DNAH17: variants seen among roughly 807,000 people sequenced by gnomAD.
DNAH17 encodes axonemal beta dynein heavy chain 17.
In DNAH17, 376 loss-of-function variants were observed where a neutral mutation model predicts 485.6. The observed-to-expected ratio is 0.77, with a 90% CI of 0.71 to 0.84. The LOEUF (loss-of-function observed/expected upper bound fraction) is 0.84, where lower values mean the gene tolerates loss of function less well. Among genes scored for constraint, DNAH17 ranks in the 40% least tolerant of loss-of-function variants. The pLI is 0.00. For missense variants in DNAH17, 6,370 were observed against 5,839.3 expected (o/e 1.09, Z -2.96); for synonymous variants, 3,031 against 2,405.9 (o/e 1.26, Z -7.60).
intron 70 of DNAH17, 131 bp downstream of exon 70, chr17:78,445,427 G>T: frequency 7.7e-7 from 1 of 1,290,736 alleles, no homozygotes; most frequent in Non-Finnish European, 1.0e-6. Flanking sequence ...CTATGTGCGG[G>T]GCCTCCTTGC....
At position 78,453,864 on chromosome 17, in the gene DNAH17, GTT is replaced by G. The variant is rs144187120; in HGVS notation, c.10407-401_10407-400del. Among the ~76,000 whole-genome samples the G allele has an allele frequency of 7.3e-3, 1,107 of 151,292 alleles. 15 individuals carry two copies. The highest frequency in any genetic ancestry group is 0.025 in the African/African-American group (1,019 of 41,354). ...CACCACACCCAACTAGGTTTTTTTT[GTT>G]TGTTTGTTTTTTGTTTTTTGTTGGA... On this transcript the variant is annotated intron_variant, in intron 64 of 80. Transcript: ENST00000389840.
intron 31 of DNAH17, among the ~76,000 whole-genome samples, chr17:78,504,102 A>G (rs2090402561): frequency 1.3e-5 from 2 of 151,002 alleles, no homozygotes; most frequent in South Asian, 4.2e-4. Context: ...GTCTCACTCT[A>G]TTACCCAGAC....
At chr17:78,507,924 C>A in intron 27 of DNAH17, 119 bp from the exon 28 acceptor site, 3 of 948,718 alleles carry the variant, frequency 3.2e-6, no homozygotes, top group Non-Finnish European at 4.6e-6. Flanking sequence ...AAGGCTCAAA[C>A]CAACGTATTC....
rs2087256748 is a variant in DNAH17, at chr17:78,445,694, G to C, written c.11212-14C>G. 1 of 1,589,284 alleles carries C rather than the reference G, an allele frequency of 6.3e-7. No individual in the cohort carries two copies. The highest frequency in any genetic ancestry group is 1.3e-5 in the African/African-American group (1 of 74,514). ...CATGGACAGGACCTGGGGGAACATC[G>C]AGGTGTACACACTTAACGCAGCCAG... On this transcript the variant is annotated splice_polypyrimidine_tract_variant and intron_variant, in intron 69 of 80. Coordinates refer to ENST00000389840, the MANE Select transcript of DNAH17 (RefSeq NM_173628.4).
chr17:78,461,751 C>T (rs758556377), intron 57 of DNAH17, 43 bp from the exon 58 acceptor site: 9 of 1,571,752 alleles, frequency 5.7e-6, no homozygotes, highest in Admixed American at 1.8e-5. Context: ...TGGGCCGCAG[C>T]CGACACACGC....
chr17:78,471,886 T>G (rs2088768698), intron 54 of DNAH17, among the ~76,000 whole-genome samples: 1 of 152,174 alleles, frequency 6.6e-6, no homozygotes, highest in South Asian at 2.1e-4. Flanking sequence ...CCCAGCCCCA[T>G]GTGTCCCGCT....
chr17:78,552,241 AGGGGGTCG>A (rs2091918144), intron 15 of DNAH17, among the ~76,000 whole-genome samples: 1 of 152,204 alleles, frequency 6.6e-6, no homozygotes, highest in Non-Finnish European at 1.5e-5. Context: ...AGATGGGGCC[AGGGGGTCG>A]GGGGCCTTCT....
intron 14 of DNAH17, among the ~76,000 whole-genome samples, chr17:78,555,396 G>A (rs896698794): frequency 5.9e-5 from 9 of 151,932 alleles, no homozygotes; most frequent in African/African-American, 1.5e-4. Flanking sequence ...AGTCCAAGGC[G>A]GGAGCTCTTT....
intron 34 of DNAH17, 191 bp downstream of exon 34, chr17:78,501,551 G>C (rs954705643): frequency 1.0e-6 from 1 of 976,328 alleles, no homozygotes; most frequent in Admixed American, 2.8e-5. Flanking sequence ...GGCGGGCACC[G>C]CTCATCTGAC....
chr17:78,545,183 G>A (rs181466833), intron 16 of DNAH17, among the ~76,000 whole-genome samples: 7 of 152,140 alleles, frequency 4.6e-5, no homozygotes, highest in South Asian at 2.1e-4. Flanking sequence ...TGATATTTAC[G>A]TGAGTACTTA....
intron 48 of DNAH17, among the ~76,000 whole-genome samples, chr17:78,481,319 G>A (rs1292942264): frequency 6.6e-6 from 1 of 151,858 alleles, no homozygotes; most frequent in East Asian, 1.9e-4. Flanking sequence ...TAGCCAGGAT[G>A]GTCTTGATCT....
chr17:78,569,505 T>C lies in DNAH17; in HGVS notation c.1067A>G (p.Glu356Gly), dbSNP rs747712824. 1.7e-5 allele frequency: 27 copies of C among 1,608,562 alleles called. 1 individual carries two copies. The South Asian group carries it at 2.9e-4, about 17-fold the overall frequency. ...IEMTRTFLSPEEVLKGLQGEI... is the reference protein window; with the variant it reads ...IEMTRTFLSPGEVLKGLQGEI... The stretch of plus-strand genomic sequence containing the variant: ...ACCTTGCAGGCCCTTCAGCACCTCT[T>C]CCGGGCTCAGGAAGGTTCGTGTCTG... Residue 356 changes from glutamate (E) to glycine (G), a missense_variant, in exon 8 of 81, where the codon GAA (glutamate) becomes GGA (glycine). By Grantham distance (98) the Glu-to-Gly change is moderately conservative (BLOSUM62 -2). Coordinates refer to ENST00000389840, the MANE Select transcript of DNAH17 (RefSeq NM_173628.4).
Position 78,511,623 on chromosome 17 carries a change from G to A in DNAH17, c.4114-1117C>T, listed in dbSNP as rs554170770. On this transcript the variant is annotated intron_variant, in intron 26 of 80. Coordinates refer to ENST00000389840, the MANE Select transcript of DNAH17 (RefSeq NM_173628.4). ...CCTAGTGCCACCCACTTCCCAAATCGCTTCCACGTCCCTTGTCTAATATTC... is the reference window on the plus strand; with the variant it reads ...CCTAGTGCCACCCACTTCCCAAATCACTTCCACGTCCCTTGTCTAATATTC... Among the ~76,000 whole-genome samples the A allele has an allele frequency of 7.2e-5, 11 of 152,268 alleles. No individual in the cohort carries two copies. In the South Asian group the frequency reaches 2.3e-3, roughly 32 times the overall value.
intron 77 of DNAH17, among the ~76,000 whole-genome samples, chr17:78,427,932 C>G (rs1054534086): frequency 6.8e-6 from 1 of 148,146 alleles, no homozygotes; most frequent in Non-Finnish European, 1.5e-5. Flanking sequence ...TGCCATTGCA[C>G]TCCAGCCTGG....
rs374286032 is a variant in DNAH17, at chr17:78,462,835, C to T, written c.9174+9G>A. Reference sequence around the variant, plus strand: ...GCACAGGAGCTGGCAGCCAGCCCCCCTCTCCTACCTGGGAAGCCGTGCTCT... The same window carrying T: ...GCACAGGAGCTGGCAGCCAGCCCCCTTCTCCTACCTGGGAAGCCGTGCTCT... On this transcript the variant is annotated intron_variant, in intron 57 of 80. Transcript: ENST00000389840. The T allele has an allele frequency of 8.7e-6, 14 of 1,613,790 alleles. No individual in the cohort carries two copies. Among genetic ancestry groups the T allele is most frequent in the South Asian group, 6.6e-5 (6 of 91,016 alleles).
chr17:78,495,515 G>A (rs1411038562), intron 38 of DNAH17, among the ~76,000 whole-genome samples: 1 of 149,324 alleles, frequency 6.7e-6, no homozygotes, highest in Non-Finnish European at 1.5e-5. Flanking sequence ...CCGGCTCACT[G>A]CAACCTCCGC....
Position 78,570,377 on chromosome 17 carries a change from G to A in DNAH17, c.919-5C>T. The A allele has an allele frequency of 6.2e-7, 1 of 1,609,558 alleles. No individual in the cohort carries two copies. Among genetic ancestry groups the A allele is most frequent in the South Asian group, 1.1e-5 (1 of 89,906 alleles). Reference sequence around the variant, plus strand: ...CTTGGCAATGAAGGTGGGGAGCTGGGGGGAGACAGGCCCAGGCACACTGGA... The same window carrying A: ...CTTGGCAATGAAGGTGGGGAGCTGGAGGGAGACAGGCCCAGGCACACTGGA... On this transcript the variant is annotated splice_region_variant and splice_polypyrimidine_tract_variant and intron_variant, in intron 6 of 80. Coordinates refer to ENST00000389840, the MANE Select transcript of DNAH17 (RefSeq NM_173628.4).
At position 78,570,263 on chromosome 17, in the gene DNAH17, TTGCAGAACTCC is replaced by T. The variant is rs2092332399; in HGVS notation, c.1017_1027del (p.Glu340ProfsTer22). 1 of 1,589,102 alleles carries T rather than the reference TTGCAGAACTCC, an allele frequency of 6.3e-7. No homozygotes were observed. Among genetic ancestry groups the T allele is most frequent in the Non-Finnish European group, 8.6e-7 (1 of 1,167,942 alleles). On this transcript the variant is annotated frameshift_variant, in exon 7 of 81. Coordinates refer to ENST00000389840, the MANE Select transcript of DNAH17 (RefSeq NM_173628.4). LOFTEE classifies it high-confidence loss of function. ...GAGGGTTACCATCTCGATGATTTGGTTGCAGAACTCCTGCAGGATGACGATGATCCTGGCAG... is the reference window on the plus strand; with the variant it reads ...GAGGGTTACCATCTCGATGATTTGGTTGCAGGATGACGATGATCCTGGCAG...
chr17:78,523,163 T>C (rs1312436778), intron 25 of DNAH17, among the ~76,000 whole-genome samples: 1 of 151,758 alleles, frequency 6.6e-6, no homozygotes, highest in Non-Finnish European at 1.5e-5. Context: ...GCCTCCTTTT[T>C]CTATTTATTT....
Sources: allele counts gnomAD v4.1 joint callset (sites outside exome capture counted in the v4.1 genomes callset), GRCh38; gene constraint gnomAD v4.1.1; transcripts MANE v1.5; gene names NCBI Gene and HGNC (gene_info 2026-07-23, HGNC 2026-07-21).